DCUN1D5: variants seen among roughly 807,000 people sequenced by gnomAD.
The protein encoded by DCUN1D5 is DCN1-like protein 5.
In DCUN1D5, 10 loss-of-function variants were observed where a neutral mutation model predicts 38.3. The observed-to-expected ratio is 0.26, with a 90% CI of 0.16 to 0.44. DCUN1D5 has a LOEUF of 0.44. Among genes scored for constraint, DCUN1D5 ranks in the 20% least tolerant of loss-of-function variants. The pLI is 1.00. For missense variants in DCUN1D5, 148 were observed against 275.3 expected, an observed-to-expected ratio of 0.54 and a Z score of 3.27; for synonymous variants, 93 against 90.9, an observed-to-expected ratio of 1.02 and a Z score of -0.13.
At position 103,083,372 on chromosome 11, in the gene DCUN1D5, T is replaced by A; in HGVS notation, c.179-46A>T. The A allele has an allele frequency of 1.1e-6, 1 of 922,920 alleles. No homozygotes were observed. Among genetic ancestry groups the A allele is most frequent in the Admixed American group, 1.9e-5 (1 of 51,424 alleles). The allele number at this position is 922,920 out of a possible 1,614,324, so 57.2% of individuals were successfully genotyped here. On this transcript the variant is annotated intron_variant, in intron 2 of 7. Coordinates refer to ENST00000260247, the MANE Select transcript of DCUN1D5 (RefSeq NM_032299.4). This position sits in a 1 kb window ranked among gnomAD's most constrained non-coding sequence, Gnocchi z 4.4. ...AACATATTTTGTTATAATATCAACA[T>A]AAAACATAAATCGTCATGCTAAAGG...
Position 103,073,830 on chromosome 11 carries a change from T to C in DCUN1D5, c.342-7263A>G, listed in dbSNP as rs1267993181. 6.6e-6 allele frequency among the ~76,000 whole-genome samples: 1 copy of C among 152,144 alleles called. No homozygotes were observed. Among genetic ancestry groups the C allele is most frequent in the Non-Finnish European group, 1.5e-5 (1 of 68,032 alleles). On this transcript the variant is annotated intron_variant, in intron 4 of 7. Coordinates refer to ENST00000260247, the MANE Select transcript of DCUN1D5 (RefSeq NM_032299.4). The surrounding 1 kb of genome is among the most constrained non-coding windows in gnomAD (Gnocchi z 4.2). The stretch of plus-strand genomic sequence containing the variant: ...GCTCATGTCTGTAATCCCAACATTT[T>C]TGGAGGCTCAGGCGGGCAGATCACT...
rs1862702267 is a variant in DCUN1D5 at position 103,086,202 on chromosome 11, T to C, written c.179-2876A>G. 6.6e-6 allele frequency among the ~76,000 whole-genome samples: 1 copy of C among 151,936 alleles called. No homozygotes were observed. The highest frequency in any genetic ancestry group is 2.4e-5 in the African/African-American group (1 of 41,346). On this transcript the variant is annotated intron_variant, in intron 2 of 7. Transcript: ENST00000260247. The surrounding 1 kb of genome is among the most constrained non-coding windows in gnomAD (Gnocchi z 4.1). ...AGGGGGAAAAAAAAAAAATTCTCAG[T>C]GACACAGCACCTTCAACATGAGCTA...
chr11:103,081,494 T>A (rs886281178), intron 4 of DCUN1D5, among the ~76,000 whole-genome samples: 2 of 152,200 alleles, frequency 1.3e-5, no homozygotes, highest in African/African-American at 4.8e-5. Flanking sequence ...TCAGTCTTGG[T>A]AGCAAATGCT....
In DCUN1D5 at chr11:103,078,536, C is replaced by T. The variant is rs1447779760; in HGVS notation, c.341+4212G>A. Reference sequence around the variant, plus strand: ...ACAATTGCTCATTGAAAATTATCCCCCAAATCTTTTAAAATTCCTGTGCTT... The same window carrying T: ...ACAATTGCTCATTGAAAATTATCCCTCAAATCTTTTAAAATTCCTGTGCTT... On this transcript the variant is annotated intron_variant, in intron 4 of 7. Transcript: ENST00000260247. This position sits in a 1 kb window ranked among gnomAD's most constrained non-coding sequence, Gnocchi z 4.6. Among the ~76,000 whole-genome samples the T allele has an allele frequency of 6.6e-6, 1 of 152,190 alleles. No individual in the cohort carries two copies. Among genetic ancestry groups the T allele is most frequent in the African/African-American group, 2.4e-5 (1 of 41,444 alleles).
At chr11:103,085,492 G>A (rs1006649411) in intron 2 of DCUN1D5, among the ~76,000 whole-genome samples, 1 of 152,122 alleles carries the variant, frequency 6.6e-6, no homozygotes, top group Admixed American at 6.5e-5. Context: ...GAAACTGGAG[G>A]ATTACTTGGT....
chr11:103,064,401 G>A lies in DCUN1D5; in HGVS notation c.556-24C>T. 5 of 1,494,958 alleles carry A rather than the reference G, an allele frequency of 3.3e-6. No homozygotes were observed. The highest frequency in any genetic ancestry group is 1.2e-5 in the South Asian group (1 of 80,930). The allele number at this position is 1,494,958 out of a possible 1,614,324, so 92.6% of individuals were successfully genotyped here. A position where few individuals can be genotyped will look rare whatever the true frequency, so the allele number is the denominator to read the frequency against. ...TGCTGCAAAAATGATTTAAATATTT[G>A]TATTTAAATATTTAAACAAACATCA... On this transcript the variant is annotated intron_variant, in intron 6 of 7. Transcript: ENST00000260247. The surrounding 1 kb of genome is among the most constrained non-coding windows in gnomAD (Gnocchi z 4.5).
At position 103,091,655 on chromosome 11, in the gene DCUN1D5, A is replaced by G. The variant is rs796083562; in HGVS notation, c.86+132T>C. Reference sequence around the variant, plus strand: ...CGGAGACTCGCGGTGTTCGGCACCTACAGCCTAGCTCGATCAAAGGGGCCT... The same window carrying G: ...CGGAGACTCGCGGTGTTCGGCACCTGCAGCCTAGCTCGATCAAAGGGGCCT... On this transcript the variant is annotated intron_variant, in intron 1 of 7. Coordinates refer to ENST00000260247, the MANE Select transcript of DCUN1D5 (RefSeq NM_032299.4). This position sits in a 1 kb window ranked among gnomAD's most constrained non-coding sequence, Gnocchi z 4.3. The G allele has an allele frequency of 1.3e-6, 2 of 1,558,750 alleles. No individual in the cohort carries two copies. Among genetic ancestry groups the G allele is most frequent in the African/African-American group, 2.7e-5 (2 of 73,796 alleles).
intron 4 of DCUN1D5, among the ~76,000 whole-genome samples, chr11:103,075,782 A>G (rs1180245918): frequency 6.6e-6 from 1 of 152,248 alleles, no homozygotes; most frequent in Non-Finnish European, 1.5e-5. Flanking sequence ...CAAAATTTGG[A>G]TAAGTTAACC....
Position 103,091,925 on chromosome 11 carries a change from T to C in DCUN1D5, c.-53A>G, listed in dbSNP as rs980102557. The stretch of plus-strand genomic sequence containing the variant: ...GGGGAGCCGGGGAAGGGGGTCCCTG[T>C]CCGCTGGAAGCCCCTCAGCGCTGGC... On this transcript the variant is annotated 5_prime_UTR_variant, in exon 1 of 8. Transcript: ENST00000260247. The surrounding 1 kb of genome is among the most constrained non-coding windows in gnomAD (Gnocchi z 4.3). The C allele has an allele frequency of 2.0e-6, 3 of 1,531,664 alleles. No individual in the cohort carries two copies. The Admixed American group carries it at 5.4e-5, about 27-fold the overall frequency. 94.9% of individuals were successfully genotyped at this position (1,531,664 alleles called of 1,614,324 possible). A position where few individuals can be genotyped will look rare whatever the true frequency, so the allele number is the denominator to read the frequency against.
At chr11:103,084,169 T>C (rs1039830308) in intron 2 of DCUN1D5, among the ~76,000 whole-genome samples, 3 of 152,200 alleles carry the variant, frequency 2.0e-5, no homozygotes, top group Non-Finnish European at 4.4e-5. Context: ...ATAAAACAAA[T>C]TTTGTAATAA....
At chr11:103,067,454 ATAT>A (rs1188573028) in intron 4 of DCUN1D5, among the ~76,000 whole-genome samples, 1 of 152,178 alleles carries the variant, frequency 6.6e-6, no homozygotes. Context: ...GCTGATAAAA[ATAT>A]TATTCATCAA....
rs1861850507 is a variant in DCUN1D5, at chr11:103,055,430, G to A, written c.*6929C>T. On this transcript the variant is annotated 3_prime_UTR_variant, in exon 8 of 8. Coordinates refer to ENST00000260247, the MANE Select transcript of DCUN1D5 (RefSeq NM_032299.4). ...ATGAGAAAAAGAAACTAGCACTCCA[G>A]ATGTTGTTATTCTTAATATAAAAAA... 6.6e-6 allele frequency: 1 copy of A among 152,064 alleles called. No individual in the cohort carries two copies. The highest frequency in any genetic ancestry group is 2.4e-5 in the African/African-American group (1 of 41,418). 9.4% of individuals were successfully genotyped at this position (152,064 alleles called of 1,614,324 possible). A position where few individuals can be genotyped will look rare whatever the true frequency, so the allele number is the denominator to read the frequency against.
rs1244077356 is a variant in DCUN1D5 at position 103,077,591 on chromosome 11, C to T, written c.341+5157G>A. On this transcript the variant is annotated intron_variant, in intron 4 of 7. Transcript: ENST00000260247. This position sits in a 1 kb window ranked among gnomAD's most constrained non-coding sequence, Gnocchi z 4.3. ...ACGTTAGGACTCGGAAATTAATTTC[C>T]TGGTATTGCTAAGCAACTGATTACA... Among the ~76,000 whole-genome samples the T allele has an allele frequency of 6.6e-6, 1 of 152,110 alleles. No homozygotes were observed. Among genetic ancestry groups the T allele is most frequent in the Non-Finnish European group, 1.5e-5 (1 of 68,036 alleles).
rs532846985 is a variant in DCUN1D5 at position 103,087,408 on chromosome 11, G to C, written c.178+1819C>G. On this transcript the variant is annotated intron_variant, in intron 2 of 7. Coordinates refer to ENST00000260247, the MANE Select transcript of DCUN1D5 (RefSeq NM_032299.4). This position sits in a 1 kb window ranked among gnomAD's most constrained non-coding sequence, Gnocchi z 4.1. ...GATGGTCTCGATCTCCTGACCTCGT[G>C]ATCTGCCTACCTTGGCCTCCCAAAG... 6.6e-6 allele frequency among the ~76,000 whole-genome samples: 1 copy of C among 152,170 alleles called. No homozygotes were observed. The highest frequency in any genetic ancestry group is 2.1e-4 in the South Asian group (1 of 4,814).
At position 103,052,935 on chromosome 11, in the gene DCUN1D5, G is replaced by A. The variant is rs1861782164; in HGVS notation, c.*9424C>T. The A allele has an allele frequency of 6.6e-6, 1 of 152,102 alleles. No homozygotes were observed. Among genetic ancestry groups the A allele is most frequent in the African/African-American group, 2.4e-5 (1 of 41,418 alleles). The allele number at this position is 152,102 out of a possible 1,614,324, so 9.4% of individuals were successfully genotyped here. On this transcript the variant is annotated 3_prime_UTR_variant, in exon 8 of 8. Transcript: ENST00000260247. ...TATTCAGAGAGCAAGGAGTTCCTTT[G>A]AGGTTTTTCAGAAATAATACTAGCA...
At chr11:103,082,647 G>T in intron 4 of DCUN1D5, 101 bp downstream of exon 4, 1 of 780,676 alleles carries the variant, frequency 1.3e-6, no homozygotes, top group South Asian at 1.8e-5. Flanking sequence ...AAACAGATTT[G>T]ATTTAAGGTG....
At chr11:103,069,254 A>C (rs1862211682) in intron 4 of DCUN1D5, among the ~76,000 whole-genome samples, 1 of 152,226 alleles carries the variant, frequency 6.6e-6, no homozygotes, top group Non-Finnish European at 1.5e-5. Context: ...TGAAGAAGCT[A>C]GTAACCAGCA....
Position 103,077,290 on chromosome 11 carries a change from G to A in DCUN1D5, c.341+5458C>T, listed in dbSNP as rs943908973. ...ACACATCTGGCAAAACCAACATACC[G>A]AAGCAGTTACTAACAGCAATACAAT... is the stretch of plus-strand genomic sequence containing the variant. On this transcript the variant is annotated intron_variant, in intron 4 of 7. Transcript: ENST00000260247. This position sits in a 1 kb window ranked among gnomAD's most constrained non-coding sequence, Gnocchi z 4.3. Among the ~76,000 whole-genome samples the A allele has an allele frequency of 3.3e-5, 5 of 152,046 alleles. No individual in the cohort carries two copies. Among genetic ancestry groups the A allele is most frequent in the African/African-American group, 7.2e-5 (3 of 41,416 alleles).
intron 4 of DCUN1D5, among the ~76,000 whole-genome samples, chr11:103,068,180 T>C (rs1427345741): frequency 2.6e-5 from 4 of 152,180 alleles, no homozygotes. Flanking sequence ...TTTTGTTGTT[T>C]TTCTTGACCA....
Sources: gnomAD v4.1 joint callset for allele counts (sites outside exome capture counted in the v4.1 genomes callset) on GRCh38, gnomAD v4.1.1 for gene constraint, Gnocchi (gnomAD v3.1) non-coding constraint, MANE v1.5 for transcripts, NCBI Gene and HGNC (gene_info 2026-07-23, HGNC 2026-07-21) for gene names.